Variants in BCAR3 observed in about 807,000 individuals in gnomAD.
The protein encoded by BCAR3 is breast cancer anti-estrogen resistance protein 3.
BCAR3 carries 37 observed loss-of-function variants against 80.1 expected under a neutral mutation model. The ratio of observed to expected loss-of-function variants is 0.46; its 90% CI spans 0.36 to 0.61. BCAR3 has a LOEUF of 0.61. Ranked by LOEUF, BCAR3 falls within the 20% of genes least tolerant of loss-of-function variation. The pLI is 0.00. For missense variants in BCAR3, 978 were observed against 1,068.2 expected (o/e 0.92, Z 1.18); for synonymous variants, 389 against 418.9 (o/e 0.93, Z 0.87).
intron 2 of BCAR3, among the ~76,000 whole-genome samples, chr1:93,814,635 C>T (rs1016882174): frequency 6.6e-6 from 1 of 152,232 alleles, no homozygotes; most frequent in Non-Finnish European, 1.5e-5. Flanking sequence ...AGTGTTTCTG[C>T]CCTGTGGGCC....
At chr1:93,816,090 T>C (rs1386267782) in intron 2 of BCAR3, among the ~76,000 whole-genome samples, 1 of 152,166 alleles carries the variant, frequency 6.6e-6, no homozygotes, top group Non-Finnish European at 1.5e-5. Context: ...TGGAAAACTA[T>C]ACTAGAAAAT....
At position 93,665,397 on chromosome 1, in the gene BCAR3, C is replaced by CA. The variant is rs775678637; in HGVS notation, c.317+9216dup. Among the ~76,000 whole-genome samples, 703 of 144,522 alleles carry CA rather than the reference C, an allele frequency of 4.9e-3. 2 individuals carry two copies. Among genetic ancestry groups the CA allele is most frequent in the Middle Eastern group, 0.015 (4 of 274 alleles). The allele number at this position is 144,522 out of a possible 152,430, so 94.8% of individuals were successfully genotyped here. On this transcript the variant is annotated intron_variant, in intron 2 of 11. Coordinates refer to ENST00000260502, the MANE Select transcript of BCAR3 (RefSeq NM_003567.4). ...ATAGTCTCCTATTGAATTCTATCAT[C>CA]AAAAAAAAAAAAATCTTCTTTTGAA...
intron 3 of BCAR3, chr1:93,614,011 C>T (rs967334673): frequency 2.6e-6 from 4 of 1,528,412 alleles, no homozygotes; most frequent in African/African-American, 1.4e-5. Context: ...AGCCCTAGCC[C>T]ACCACAGCAG....
upstream of BCAR3, among the ~76,000 whole-genome samples, chr1:93,686,789 G>A (rs1039735638): frequency 5.3e-5 from 8 of 152,184 alleles, no homozygotes; most frequent in African/African-American, 1.9e-4. Flanking sequence ...TAGAAACGCT[G>A]AGCATTTTTC....
At chr1:93,836,555 C>T (rs1037003888) in intron 2 of BCAR3, among the ~76,000 whole-genome samples, 2 of 152,120 alleles carry the variant, frequency 1.3e-5, no homozygotes, top group Non-Finnish European at 2.9e-5. Flanking sequence ...CACCCCTAAT[C>T]CCGCTTGAAG....
At chr1:93,669,979 G>A (rs185114627) in intron 2 of BCAR3, among the ~76,000 whole-genome samples, 2 of 152,218 alleles carry the variant, frequency 1.3e-5, no homozygotes, top group African/African-American at 4.8e-5. Flanking sequence ...TACAAATAGG[G>A]TGCAGTGTAT....
chr1:93,782,472 T>A (rs1652796390), intron 2 of BCAR3, among the ~76,000 whole-genome samples: 1 of 152,172 alleles, frequency 6.6e-6, no homozygotes, highest in African/African-American at 2.4e-5. Flanking sequence ...GCACTGTGGT[T>A]CCAGAGAAGT....
intron 7 of BCAR3, among the ~76,000 whole-genome samples, chr1:93,580,513 G>GAAA (rs60517686): frequency 0.017 from 2,153 of 123,210 alleles, 59 homozygotes; most frequent in African/African-American, 0.057. Flanking sequence ...AAATATTCAG[G>GAAA]AAAAAAAAAA....
intron 2 of BCAR3, among the ~76,000 whole-genome samples, chr1:93,735,600 T>C (rs773615652): frequency 3.3e-4 from 51 of 152,272 alleles, no homozygotes; most frequent in Non-Finnish European, 7.3e-5. Context: ...TTAATTCAAT[T>C]TATCAATTTT....
chr1:93,759,109 C>T (rs1018631112), intron 2 of BCAR3, among the ~76,000 whole-genome samples: 1 of 152,204 alleles, frequency 6.6e-6, no homozygotes, highest in Non-Finnish European at 1.5e-5. Flanking sequence ...GCTGATGCAA[C>T]CCACATCCTG....
intron 3 of BCAR3, among the ~76,000 whole-genome samples, chr1:93,640,263 A>G (rs1398905175): frequency 1.3e-5 from 2 of 152,126 alleles, no homozygotes; most frequent in Non-Finnish European, 2.9e-5. Flanking sequence ...ACCCAAGAAG[A>G]TGGGTCCCTG....
intron 2 of BCAR3, among the ~76,000 whole-genome samples, chr1:93,733,137 T>A (rs553245504): frequency 2.6e-4 from 40 of 151,966 alleles, no homozygotes; most frequent in East Asian, 1.9e-4. Flanking sequence ...TTTCTTTTTT[T>A]AAAAAAAAGT....
Position 93,589,150 on chromosome 1 carries a change from G to A in BCAR3, c.756C>T (p.Pro252=), listed in dbSNP as rs960902293. Reference sequence around the variant, plus strand: ...ACCGCAGAGGCACCGTCCTGTTGATGGGCTGGAAGATGATGGCGCCACTCT... The same window carrying A: ...ACCGCAGAGGCACCGTCCTGTTGATAGGCTGGAAGATGATGGCGCCACTCT... ...SQQSGAIIFQ[P]INRTVPLRCL... Residue 252 remains proline (P), a synonymous_variant, in exon 5 of 12, where the codon CCC becomes CCT. Transcript: ENST00000260502. 8 of 1,613,712 alleles carry A rather than the reference G, an allele frequency of 5.0e-6. No homozygotes were observed. Among genetic ancestry groups the A allele is most frequent in the Non-Finnish European group, 6.8e-6 (8 of 1,179,862 alleles).
intron 2 of BCAR3, among the ~76,000 whole-genome samples, chr1:93,809,641 G>A (rs565775224): frequency 6.6e-6 from 1 of 152,044 alleles, no homozygotes; most frequent in South Asian, 2.1e-4. Flanking sequence ...GGCTGTGGGT[G>A]CCTGTAATCC....
At chr1:93,597,872 G>A (rs1283430517) in intron 3 of BCAR3, among the ~76,000 whole-genome samples, 2 of 152,186 alleles carry the variant, frequency 1.3e-5, no homozygotes, top group Non-Finnish European at 2.9e-5. Context: ...CAGCACCTCT[G>A]CTCGGTTACA....
intron 2 of BCAR3, among the ~76,000 whole-genome samples, chr1:93,660,885 C>CT (rs1009550578): frequency 2.0e-5 from 3 of 150,464 alleles, no homozygotes; most frequent in Admixed American, 6.6e-5. Context: ...TGGATAATTT[C>CT]TTTTTTTTTA....
chr1:93,841,785 T>G (rs925698293), intron 2 of BCAR3, among the ~76,000 whole-genome samples: 2 of 152,216 alleles, frequency 1.3e-5, no homozygotes, highest in African/African-American at 4.8e-5. Context: ...CATGCCTGAC[T>G]TTGTCACCAG....
chr1:93,682,195 T>A (rs977308074), upstream of BCAR3, among the ~76,000 whole-genome samples: 4 of 152,124 alleles, frequency 2.6e-5, no homozygotes, highest in African/African-American at 9.7e-5. Context: ...AAGCCCCAGG[T>A]AACCACAAAT....
intron 2 of BCAR3, among the ~76,000 whole-genome samples, chr1:93,730,281 T>C (rs1307442294): frequency 6.6e-6 from 1 of 152,160 alleles, no homozygotes; most frequent in Non-Finnish European, 1.5e-5. Context: ...TGACTCCCCT[T>C]ACCCGAGCTC....
Sources: gnomAD v4.1 joint callset for allele counts (sites outside exome capture counted in the v4.1 genomes callset) on GRCh38, gnomAD v4.1.1 for gene constraint, MANE v1.5 for transcripts, NCBI Gene and HGNC (gene_info 2026-07-23, HGNC 2026-07-21) for gene names.